HIPK2: variants seen among roughly 807,000 people sequenced by gnomAD.
HIPK2 encodes homeodomain-interacting protein kinase 2.
HIPK2 carries 27 observed loss-of-function variants against 113.7 expected under a neutral mutation model. The observed-to-expected ratio is 0.24, with a 90% CI of 0.17 to 0.33. The LOEUF (loss-of-function observed/expected upper bound fraction) is 0.33. Among genes scored for constraint, HIPK2 ranks in the 10% least tolerant of loss-of-function variants. The probability of loss-of-function intolerance (pLI) is 1.00; values close to 1 mark genes in which losing one functional copy is unlikely to be tolerated. For missense variants in HIPK2, 1,257 were observed against 1,588.0 expected, an observed-to-expected ratio of 0.79 and a Z score of 3.54; for synonymous variants, 631 against 642.2, an observed-to-expected ratio of 0.98 and a Z score of 0.26.
intron 1 of HIPK2, among the ~76,000 whole-genome samples, chr7:139,725,845 G>T (rs1189221888): frequency 6.6e-6 from 1 of 152,178 alleles, no homozygotes; most frequent in Non-Finnish European, 1.5e-5. Context: ...CTGCTAGCAG[G>T]GCTGGGATTT....
chr7:139,577,925 A>G (rs965830190), intron 13 of HIPK2, among the ~76,000 whole-genome samples: 1 of 151,934 alleles, frequency 6.6e-6, no homozygotes, highest in Non-Finnish European at 1.5e-5. Flanking sequence ...ATCTTGGCTC[A>G]CTGCAACCTC....
intron 1 of HIPK2, among the ~76,000 whole-genome samples, chr7:139,732,919 GA>G (rs777212931): frequency 5.9e-5 from 9 of 151,718 alleles, no homozygotes; most frequent in Non-Finnish European, 1.3e-4. Flanking sequence ...CCCAGTGTTG[GA>G]GGTGGGGCCT....
intron 2 of HIPK2, among the ~76,000 whole-genome samples, chr7:139,657,794 C>T (rs1162697895): frequency 1.3e-5 from 2 of 152,212 alleles, no homozygotes; most frequent in Non-Finnish European, 1.5e-5. Flanking sequence ...AAACATGGCA[C>T]CTTCCTTTCT....
Position 139,596,826 on chromosome 7 carries a change from G to T in HIPK2, c.2608C>A (p.Arg870=). The change falls in exon 12 of 15, where the codon CGG becomes AGG. Residue 870 remains arginine, a synonymous_variant. Transcript: ENST00000406875. ...GGAATGACAATTGTCTGCCGCTGCC[G>T]TTCCCGGGTGGTGCTGGAGGCCACG... ...GDVASSTTRE[R]QRQTIVIPDT... The T allele has an allele frequency of 6.2e-7, 1 of 1,613,952 alleles. No individual in the cohort carries two copies. The highest frequency in any genetic ancestry group is 1.1e-5 in the South Asian group (1 of 91,078).
chr7:139,635,231 C>T lies in HIPK2; in HGVS notation c.1104-3506G>A, dbSNP rs374744374. Among the ~76,000 whole-genome samples the T allele has an allele frequency of 1.4e-4, 22 of 152,278 alleles. No homozygotes were observed. The South Asian group carries it at 4.1e-3, about 29-fold the overall frequency. ...TGGCCCCTGCCCTCTTGCAGCCTGA[C>T]GTTTGGAAGTCTGACGCTCCAGTCT... is the stretch of plus-strand genomic sequence containing the variant. On this transcript the variant is annotated intron_variant, in intron 2 of 14. Coordinates refer to ENST00000406875, the MANE Select transcript of HIPK2 (RefSeq NM_022740.5).
rs372481693 is a variant in HIPK2 at position 139,573,418 on chromosome 7, G to C, written c.3127-21C>G. 36 of 1,598,706 alleles carry C rather than the reference G, an allele frequency of 2.3e-5. No individual in the cohort carries two copies. The African/African-American group carries it at 4.8e-4, about 21-fold the overall frequency. ...TGAGCCTGGGGAGGAGAGGCACCAA[G>C]AGAGACGTCAGGGGCCGACACATGG... On this transcript the variant is annotated intron_variant, in intron 14 of 14. Coordinates refer to ENST00000406875, the MANE Select transcript of HIPK2 (RefSeq NM_022740.5).
rs778314121 is a variant in HIPK2, at chr7:139,596,872, C to T, written c.2562G>A (p.Ser854=). ...MVHSSPACST[S]VTCGWGDVAS... ...CCACGTCGCCCCACCCACAGGTGAC[C>T]GAGGTGCTGCAGGCCGGGCTACTGT... Residue 854 remains serine (S), a synonymous_variant, in exon 12 of 15, where the codon TCG becomes TCA. Transcript: ENST00000406875. The T allele has an allele frequency of 1.8e-5, 29 of 1,613,786 alleles. No individual in the cohort carries two copies. Among genetic ancestry groups the T allele is most frequent in the East Asian group, 1.8e-4 (8 of 44,888 alleles).
At chr7:139,622,302 G>A (rs1800262486) in intron 6 of HIPK2, among the ~76,000 whole-genome samples, 1 of 152,234 alleles carries the variant, frequency 6.6e-6, no homozygotes, top group South Asian at 2.1e-4. Flanking sequence ...ATATTCTGCG[G>A]TATCCAGTAG....
chr7:139,594,076 T>C (rs568522453), intron 12 of HIPK2, among the ~76,000 whole-genome samples: 60 of 152,252 alleles, frequency 3.9e-4, no homozygotes, highest in Non-Finnish European at 7.5e-4. Context: ...TCCTGTTCGC[T>C]TGCCTTGGAG....
intron 1 of HIPK2, among the ~76,000 whole-genome samples, chr7:139,762,516 G>A (rs905173740): frequency 2.0e-5 from 3 of 152,290 alleles, no homozygotes; most frequent in Admixed American, 1.3e-4. Flanking sequence ...ATACCTGTTC[G>A]CAGAGTGTCT....
At position 139,570,128 on chromosome 7, in the gene HIPK2, C is replaced by A. The variant is rs1392209933; in HGVS notation, c.*2799G>T. On this transcript the variant is annotated 3_prime_UTR_variant, in exon 15 of 15. Transcript: ENST00000406875. The stretch of plus-strand genomic sequence containing the variant: ...AGAAAGGGCTGGAAATGAACTGTGC[C>A]CAGGAATCTGGGGGTGCTCTCCAGT... 6.6e-6 allele frequency: 1 copy of A among 152,236 alleles called. No individual in the cohort carries two copies. Among genetic ancestry groups the A allele is most frequent in the Non-Finnish European group, 1.5e-5 (1 of 68,020 alleles). 9.4% of individuals were successfully genotyped at this position (152,236 alleles called of 1,614,324 possible).
At chr7:139,746,970 G>A (rs528377053) in intron 1 of HIPK2, among the ~76,000 whole-genome samples, 1 of 152,200 alleles carries the variant, frequency 6.6e-6, no homozygotes, top group Non-Finnish European at 1.5e-5. Flanking sequence ...TGATAACTAA[G>A]TAGAGCTAGA....
At chr7:139,601,949 C>CTTTTT (rs1053542551) in intron 10 of HIPK2, among the ~76,000 whole-genome samples, 19 of 116,328 alleles carry the variant, frequency 1.6e-4, no homozygotes, top group Non-Finnish European at 2.0e-4. Context: ...ATTATGGCTT[C>CTTTTT]TTTTTTTTTT....
At chr7:139,594,809 C>CT in intron 12 of HIPK2, among the ~76,000 whole-genome samples, 1 of 152,220 alleles carries the variant, frequency 6.6e-6, no homozygotes, top group Non-Finnish European at 1.5e-5. Flanking sequence ...CTGTGGGACT[C>CT]AGTAGCCACT....
intron 2 of HIPK2, among the ~76,000 whole-genome samples, chr7:139,634,339 C>T (rs908698039): frequency 6.6e-6 from 1 of 151,996 alleles, no homozygotes; most frequent in Admixed American, 6.6e-5. Context: ...CACTTCACCC[C>T]CTTTGGCCTT....
chr7:139,583,273 C>T (rs976599896), intron 13 of HIPK2, among the ~76,000 whole-genome samples: 2 of 151,912 alleles, frequency 1.3e-5, no homozygotes, highest in African/African-American at 4.9e-5. Flanking sequence ...GACAAGCCTT[C>T]GCGGGACAGG....
At chr7:139,614,987 T>G (rs574759050) in intron 7 of HIPK2, among the ~76,000 whole-genome samples, 3 of 152,264 alleles carry the variant, frequency 2.0e-5, no homozygotes, top group South Asian at 4.1e-4. Flanking sequence ...CCAAGCCCCA[T>G]TCCATCCCAC....
At chr7:139,726,201 T>G (rs894994026) in intron 1 of HIPK2, among the ~76,000 whole-genome samples, 1 of 152,186 alleles carries the variant, frequency 6.6e-6, no homozygotes, top group Admixed American at 6.5e-5. Context: ...AGGGGGTCAG[T>G]GCAGAGAAGT....
At chr7:139,678,498 T>C (rs140760059) in intron 2 of HIPK2, among the ~76,000 whole-genome samples, 806 of 152,322 alleles carry the variant, frequency 5.3e-3, no homozygotes, top group Admixed American at 9.6e-3. Flanking sequence ...ATGTGTGGCA[T>C]TATTTCTGAG....
Sources: gnomAD v4.1 joint callset for allele counts (sites outside exome capture counted in the v4.1 genomes callset) on GRCh38, gnomAD v4.1.1 for gene constraint, MANE v1.5 for transcripts, NCBI Gene and HGNC (gene_info 2026-07-23, HGNC 2026-07-21) for gene names.